Variants in ABHD18 observed in about 807,000 individuals in gnomAD.
ABHD18 encodes abhydrolase domain containing 18.
Under a neutral mutation model 65.9 loss-of-function variants are expected in ABHD18, and 55 were observed. That is an observed-to-expected ratio of 0.84 (90% CI 0.67 to 1.05). The LOEUF is 1.05. Among genes scored for constraint, ABHD18 ranks in the 50% least tolerant of loss-of-function variants. The pLI is 0.00. For missense variants in ABHD18, 533 were observed against 558.5 expected (o/e 0.95, Z 0.46); for synonymous variants, 181 against 180.2 (o/e 1.00, Z -0.04).
chr4:127,984,715 C>T (rs186410569), intron 3 of ABHD18, among the ~76,000 whole-genome samples: 1 of 152,060 alleles, frequency 6.6e-6, no homozygotes, highest in Non-Finnish European at 1.5e-5. Flanking sequence ...ACAAAATTAG[C>T]CGGGCATGGT....
chr4:128,027,428 C>T (rs973491964), intron 10 of ABHD18, among the ~76,000 whole-genome samples: 32 of 149,774 alleles, frequency 2.1e-4, no homozygotes, highest in African/African-American at 7.4e-4. Flanking sequence ...TTTTTTGAGA[C>T]GGAGTCTCAC....
intron 4 of ABHD18, among the ~76,000 whole-genome samples, chr4:128,007,139 C>T (rs936043039): frequency 6.6e-6 from 1 of 151,576 alleles, no homozygotes; most frequent in Non-Finnish European, 1.5e-5. Flanking sequence ...GAGCAAAACT[C>T]CATCTCTCAA....
At chr4:127,986,017 G>GA (rs1179785515) in intron 3 of ABHD18, among the ~76,000 whole-genome samples, 14 of 150,900 alleles carry the variant, frequency 9.3e-5, no homozygotes, top group Admixed American at 2.6e-4. Context: ...CCGTCTCAAA[G>GA]AAAAAAAAAT....
intron 1 of ABHD18, chr4:127,966,120 A>G (rs1745277246): frequency 6.6e-6 from 1 of 152,062 alleles, no homozygotes; most frequent in Admixed American, 6.6e-5. Context: ...TTTTTAGAAA[A>G]CATGTCATGG....
chr4:128,028,812 A>G lies in ABHD18; in HGVS notation c.1139A>G (p.Lys380Arg). 1 of 1,598,850 alleles carries G rather than the reference A, an allele frequency of 6.3e-7. No homozygotes were observed. Among genetic ancestry groups the G allele is most frequent in the Non-Finnish European group, 8.5e-7 (1 of 1,175,168 alleles). Residue 380 changes from lysine to arginine, a missense_variant, in exon 11 of 13, where the codon AAA becomes AGA. Physicochemically the swap from Lys to Arg is conservative, Grantham distance 26. Coordinates refer to ENST00000645843, the MANE Select transcript of ABHD18 (RefSeq NM_001358451.3). ...CGGAAAGAGTCTTTAATATTTATGAAAGGAGTCATGGATGAATGTACTCAT... is the reference window on the plus strand; with the variant it reads ...CGGAAAGAGTCTTTAATATTTATGAGAGGAGTCATGGATGAATGTACTCAT... ...SLRKESLIFM[K>R]GVMDECTHVA...
intron 10 of ABHD18, among the ~76,000 whole-genome samples, chr4:128,026,869 T>G (rs987936662): frequency 6.6e-6 from 1 of 151,130 alleles, no homozygotes; most frequent in Non-Finnish European, 1.5e-5. Flanking sequence ...CATTGTAACC[T>G]CCGCCTCCTG....
intron 3 of ABHD18, among the ~76,000 whole-genome samples, chr4:127,985,783 C>T (rs929016574): frequency 4.6e-5 from 7 of 151,966 alleles, no homozygotes; most frequent in East Asian, 1.9e-4. Context: ...GCGGGCAGAT[C>T]GTGAGGTGAA....
At chr4:127,970,956 TC>T (rs1746653626) in intron 1 of ABHD18, among the ~76,000 whole-genome samples, 5 of 151,774 alleles carry the variant, frequency 3.3e-5, no homozygotes, top group South Asian at 4.2e-4. Context: ...ATGCCTGTAA[TC>T]CCAGCTACTT....
chr4:127,965,435 G>C lies in ABHD18; in HGVS notation c.-189G>C. ...TGCCGCGCCGCCCTGCTCCGGGTTTGTCTTCCTCCCTCCGTTTCTCCTTCC... is the reference window on the plus strand; with the variant it reads ...TGCCGCGCCGCCCTGCTCCGGGTTTCTCTTCCTCCCTCCGTTTCTCCTTCC... On this transcript the variant is annotated 5_prime_UTR_variant, in exon 1 of 13. Transcript: ENST00000645843. 3.7e-6 allele frequency: 2 copies of C among 542,436 alleles called. No homozygotes were observed. Among genetic ancestry groups the C allele is most frequent in the Middle Eastern group, 5.1e-4 (1 of 1,968 alleles). The allele number at this position is 542,436 out of a possible 1,614,324, so 33.6% of individuals were successfully genotyped here.
Position 127,993,083 on chromosome 4 carries a change from A to T in ABHD18, c.278+3262A>T, listed in dbSNP as rs183479688. Among the ~76,000 whole-genome samples the T allele has an allele frequency of 6.7e-3, 1,015 of 150,980 alleles. 11 individuals carry two copies. Among genetic ancestry groups the T allele is most frequent in the African/African-American group, 0.023 (928 of 41,160 alleles). On this transcript the variant is annotated intron_variant, in intron 4 of 12. Transcript: ENST00000645843. ...AGCAAGACCCTGTGTCAAAAAAAAA[A>T]TTTTTTTTTTAAAGCATAAGTGAAT...
At chr4:128,032,991 C>T (rs987985122) in intron 12 of ABHD18, among the ~76,000 whole-genome samples, 37 of 152,118 alleles carry the variant, frequency 2.4e-4, no homozygotes, top group African/African-American at 7.7e-4. Flanking sequence ...TGGTGGCTCA[C>T]GCCTGTAATC....
chr4:128,005,025 T>TC (rs1288637408), intron 4 of ABHD18, among the ~76,000 whole-genome samples: 4 of 152,264 alleles, frequency 2.6e-5, no homozygotes, highest in African/African-American at 9.6e-5. Context: ...GGTCAGGGGT[T>TC]CAAGACCAGC....
In ABHD18 at chr4:128,038,354, T is replaced by C. The variant is rs1234042180; in HGVS notation, c.*2541T>C. The C allele has an allele frequency of 1.3e-5, 2 of 152,222 alleles. No homozygotes were observed. The highest frequency in any genetic ancestry group is 2.4e-5 in the African/African-American group (1 of 41,464). The allele number at this position is 152,222 out of a possible 1,614,324, so 9.4% of individuals were successfully genotyped here. A position where few individuals can be genotyped will look rare whatever the true frequency, so the allele number is the denominator to read the frequency against. On this transcript the variant is annotated 3_prime_UTR_variant, in exon 13 of 13. Coordinates refer to ENST00000645843, the MANE Select transcript of ABHD18 (RefSeq NM_001358451.3). Reference sequence around the variant, plus strand: ...ACTGAATTACGATTTTCTTATATTATGTATATAGTGAGGTTATATGATTGA... The same window carrying C: ...ACTGAATTACGATTTTCTTATATTACGTATATAGTGAGGTTATATGATTGA...
intron 10 of ABHD18, among the ~76,000 whole-genome samples, chr4:128,023,166 T>C (rs1035683481): frequency 6.6e-6 from 1 of 152,196 alleles, no homozygotes; most frequent in South Asian, 2.1e-4. Context: ...AATGAGAACT[T>C]TTTATTTATA....
intron 4 of ABHD18, among the ~76,000 whole-genome samples, chr4:128,008,294 C>T (rs766011784): frequency 3.0e-5 from 3 of 99,110 alleles, no homozygotes; most frequent in Non-Finnish European, 3.6e-5. Flanking sequence ...TTTTTTGAGA[C>T]GGAGTCTCGC....
chr4:127,966,559 C>G (rs1274481865), intron 1 of ABHD18, among the ~76,000 whole-genome samples: 1 of 151,832 alleles, frequency 6.6e-6, no homozygotes, highest in Non-Finnish European at 1.5e-5. Context: ...TGGTGAACAC[C>G]TAAACTTGAA....
chr4:128,030,447 A>G (rs1758038694), intron 11 of ABHD18, 63 bp from the exon 12 acceptor site: 1 of 1,158,100 alleles, frequency 8.6e-7, no homozygotes, highest in African/African-American at 1.6e-5. Flanking sequence ...TATTTACTGC[A>G]TTGTGTGGGT....
chr4:128,014,843 C>T (rs981291107), intron 7 of ABHD18, among the ~76,000 whole-genome samples: 4 of 151,852 alleles, frequency 2.6e-5, no homozygotes, highest in Non-Finnish European at 2.9e-5. Flanking sequence ...CTTGGGAGGC[C>T]GAGGCAGGTG....
chr4:127,984,331 C>T lies in ABHD18; in HGVS notation c.93-8C>T. ...ATTTTTTCCTTTTTGTCTTCTTTCCCATAATAGACTCTTTGAATTCAGAAA... is the reference window on the plus strand; with the variant it reads ...ATTTTTTCCTTTTTGTCTTCTTTCCTATAATAGACTCTTTGAATTCAGAAA... On this transcript the variant is annotated splice_polypyrimidine_tract_variant and splice_region_variant and intron_variant, in intron 2 of 12. Transcript: ENST00000645843. The T allele has an allele frequency of 6.5e-7, 1 of 1,534,406 alleles. No homozygotes were observed. The highest frequency in any genetic ancestry group is 1.2e-5 in the South Asian group (1 of 82,844).
Sources: gnomAD v4.1 joint callset for allele counts (sites outside exome capture counted in the v4.1 genomes callset) on GRCh38, gnomAD v4.1.1 for gene constraint, MANE v1.5 for transcripts, NCBI Gene and HGNC (gene_info 2026-07-23, HGNC 2026-07-21) for gene names.